FBXO10: variants seen among roughly 807,000 people sequenced by gnomAD.
The protein encoded by FBXO10 is F-box protein 10.
Under a neutral mutation model 80.7 loss-of-function variants are expected in FBXO10, and 39 were observed. That is an observed-to-expected ratio of 0.48 (90% CI 0.37 to 0.63). The LOEUF (loss-of-function observed/expected upper bound fraction) is 0.63, where lower values mean the gene tolerates loss of function less well. Ranked by LOEUF, FBXO10 falls within the 30% of genes least tolerant of loss-of-function variation. FBXO10 has a pLI of 0.00. For missense variants in FBXO10, 1,025 were observed against 1,269.0 expected (o/e 0.81, Z 2.92); for synonymous variants, 449 against 489.6 (o/e 0.92, Z 1.09).
At chr9:37,538,510 C>T (rs1372047719) in intron 2 of FBXO10, among the ~76,000 whole-genome samples, 1 of 152,078 alleles carries the variant, frequency 6.6e-6, no homozygotes, top group Non-Finnish European at 1.5e-5. Flanking sequence ...GAGTTCGAGA[C>T]CAGCCTTGTC....
chr9:37,574,745 G>C (rs181393508), intron 1 of FBXO10, among the ~76,000 whole-genome samples: 2 of 152,176 alleles, frequency 1.3e-5, no homozygotes, highest in Non-Finnish European at 2.9e-5. Flanking sequence ...AAAATGTACT[G>C]AGAACGGGCA....
intron 1 of FBXO10, among the ~76,000 whole-genome samples, chr9:37,542,056 C>T (rs938225351): frequency 5.3e-5 from 8 of 151,768 alleles, no homozygotes; most frequent in African/African-American, 1.9e-4. Flanking sequence ...CTCAAATTCC[C>T]GACCTCAGGT....
chr9:37,565,757 C>T (rs989818032), intron 1 of FBXO10, among the ~76,000 whole-genome samples: 4 of 152,202 alleles, frequency 2.6e-5, no homozygotes, highest in Admixed American at 2.0e-4. Context: ...AGCCCGTCCC[C>T]AGAGACTCTT....
At chr9:37,523,652 T>C (rs1023551564) in intron 6 of FBXO10, among the ~76,000 whole-genome samples, 2 of 152,194 alleles carry the variant, frequency 1.3e-5, no homozygotes, top group African/African-American at 4.8e-5. Context: ...CCGGGTGCGG[T>C]GGCTCACGCC....
intron 9 of FBXO10, among the ~76,000 whole-genome samples, 170 bp from the exon 10 acceptor site, chr9:37,516,255 G>C (rs1330396155): frequency 6.6e-6 from 1 of 152,212 alleles, no homozygotes; most frequent in Admixed American, 6.5e-5. Flanking sequence ...GGGGGAGCCA[G>C]GGAAGGCTTC....
Position 37,541,895 on chromosome 9 carries a change from C to T in FBXO10, c.-6-121G>A, listed in dbSNP as rs1411089200. ...CCAGGCTGGAGTGCAGTGGTGCGAT[C>T]TTGGCCTCACCATAACCTCCACCTC... is the stretch of plus-strand genomic sequence containing the variant. On this transcript the variant is annotated intron_variant, in intron 1 of 10. Transcript: ENST00000432825. 5 of 794,428 alleles carry T rather than the reference C, an allele frequency of 6.3e-6. No individual in the cohort carries two copies. In the East Asian group the frequency reaches 1.4e-4, roughly 22 times the overall value. 49.2% of individuals were successfully genotyped at this position (794,428 alleles called of 1,614,324 possible). A position where few individuals can be genotyped will look rare whatever the true frequency, so the allele number is the denominator to read the frequency against.
Position 37,541,340 on chromosome 9 carries a change from C to T in FBXO10, c.429G>A (p.Glu143=), listed in dbSNP as rs1267139721. 5.6e-6 allele frequency: 9 copies of T among 1,614,044 alleles called. No homozygotes were observed. Among genetic ancestry groups the T allele is most frequent in the Non-Finnish European group, 7.6e-6 (9 of 1,179,896 alleles). The stretch of plus-strand genomic sequence containing the variant: ...GCACCTTCAAGATGATTTCACCTTG[C>T]TCTTCGTACACACCTGGGAAGAGCA... The part of the protein sequence containing the change: ...RIVLFPGVYE[E]QGEIILKVPV... Residue 143 remains glutamate, a synonymous_variant, in exon 2 of 11, where the codon GAG becomes GAA. Transcript: ENST00000432825.
intron 10 of FBXO10, among the ~76,000 whole-genome samples, chr9:37,514,439 T>C (rs1821133437): frequency 6.6e-6 from 1 of 152,208 alleles, no homozygotes; most frequent in African/African-American, 2.4e-5. Flanking sequence ...AAGAAAATAC[T>C]AGAATTTTGG....
Position 37,541,315 on chromosome 9 carries a change from G to C in FBXO10, c.454C>G (p.Pro152Ala), listed in dbSNP as rs764568911. The C allele has an allele frequency of 6.2e-7, 1 of 1,613,990 alleles. No homozygotes were observed. Among genetic ancestry groups the C allele is most frequent in the Non-Finnish European group, 8.5e-7 (1 of 1,179,894 alleles). The change falls in exon 2 of 11, where the codon CCT becomes GCT. Residue 152 changes from proline to alanine, a missense_variant. Physicochemically the swap from Pro to Ala is conservative, Grantham distance 27. Around this residue, in one of 3 missense-constraint regions of FBXO10, gnomAD observed 450 missense variants for 499.4 expected, o/e 0.90. Coordinates refer to ENST00000432825, the MANE Select transcript of FBXO10 (RefSeq NM_012166.3). ...TTCCCCTGCCCTACAATCTCCACAG[G>C]CACCTTCAAGATGATTTCACCTTGC... ...EEQGEIILKV[P>A]VEIVGQGKLG...
chr9:37,544,021 C>A (rs1027135944), intron 1 of FBXO10, among the ~76,000 whole-genome samples: 1 of 152,164 alleles, frequency 6.6e-6, no homozygotes, highest in Admixed American at 6.5e-5. Context: ...AATCCCAGCA[C>A]TTTGGGATGC....
intron 2 of FBXO10, 127 bp from the exon 3 acceptor site, chr9:37,538,070 G>A: frequency 1.4e-6 from 1 of 724,604 alleles, no homozygotes. Context: ...CCTCCCCACT[G>A]GGGTCTGGAT....
chr9:37,569,044 C>CAGA (rs1822680519), intron 1 of FBXO10, among the ~76,000 whole-genome samples: 1 of 152,020 alleles, frequency 6.6e-6, no homozygotes, highest in Non-Finnish European at 1.5e-5. Context: ...TGAAAATGGA[C>CAGA]TAAATGTTCT....
At chr9:37,556,824 C>T (rs868727184) in intron 1 of FBXO10, among the ~76,000 whole-genome samples, 2 of 152,090 alleles carry the variant, frequency 1.3e-5, no homozygotes, top group Admixed American at 6.6e-5. Context: ...GGATTACAGG[C>T]GTGAGCCACC....
rs1258513068 is a variant in FBXO10, at chr9:37,529,244, T to C, written c.1586A>G (p.His529Arg). Reference protein sequence around the residue: ...NPLILCNQIHHGLRSGIVVLG... With the variant: ...NPLILCNQIHRGLRSGIVVLG... The stretch of plus-strand genomic sequence containing the variant: ...GACGACAATGCCAGAGCGAAGGCCA[T>C]GGTGGATCTGGTTACACTGCAAGTG... The change falls in exon 5 of 11, where the codon CAT becomes CGT. Residue 529 changes from histidine (H) to arginine (R), a missense_variant. His to Arg is a conservative substitution (Grantham distance 29, BLOSUM62 0). Transcript: ENST00000432825. The C allele has an allele frequency of 4.4e-6, 7 of 1,609,146 alleles. No homozygotes were observed. Among genetic ancestry groups the C allele is most frequent in the Non-Finnish European group, 5.9e-6 (7 of 1,177,768 alleles).
At chr9:37,532,178 G>T in intron 3 of FBXO10, 120 bp from the exon 4 acceptor site, 1 of 1,076,548 alleles carries the variant, frequency 9.3e-7, no homozygotes, top group Admixed American at 2.4e-5. Context: ...CCGTAGGCAA[G>T]AGAAACGCCT....
rs747241499 is a variant in FBXO10 at position 37,541,420 on chromosome 9, C to T, written c.349G>A (p.Glu117Lys). 6.2e-7 allele frequency: 1 copy of T among 1,614,014 alleles called. No homozygotes were observed. The highest frequency in any genetic ancestry group is 8.5e-7 in the Non-Finnish European group (1 of 1,179,868). Residue 117 changes from glutamate to lysine, a missense_variant, in exon 2 of 11, where the codon GAG becomes AAG. Glu to Lys is a moderately conservative substitution (Grantham distance 56). Transcript: ENST00000432825. ...RRTLSVGPGR[E>K]FDSLGSALAM... ...AAGGCACTGCCCAGGCTGTCAAACT[C>T]ACGGCCTGGCCCAACACTCAGGGTA... is the stretch of plus-strand genomic sequence containing the variant.
At chr9:37,514,424 A>G (rs149747306) in intron 10 of FBXO10, among the ~76,000 whole-genome samples, 1 of 152,224 alleles carries the variant, frequency 6.6e-6, no homozygotes, top group Non-Finnish European at 1.5e-5. Flanking sequence ...CTGCTGGGAT[A>G]TTGGAAGAAA....
intron 2 of FBXO10, among the ~76,000 whole-genome samples, chr9:37,540,408 C>T (rs987820824): frequency 6.6e-6 from 1 of 152,008 alleles, no homozygotes; most frequent in East Asian, 1.9e-4. Context: ...AACTCCTGAC[C>T]TCAGGTGATC....
intron 1 of FBXO10, among the ~76,000 whole-genome samples, chr9:37,553,334 C>A (rs1037524194): frequency 6.6e-6 from 1 of 152,012 alleles, no homozygotes; most frequent in Admixed American, 6.6e-5. Flanking sequence ...CCACCGCGCC[C>A]GGCCACATGT....
Sources: allele counts gnomAD v4.1 joint callset (sites outside exome capture counted in the v4.1 genomes callset), GRCh38; gene constraint gnomAD v4.1.1; regional missense constraint gnomAD v4.1.1; transcripts MANE v1.5; gene names NCBI Gene and HGNC (gene_info 2026-07-23, HGNC 2026-07-21).